ATP7A: variants seen among roughly 807,000 people sequenced by gnomAD.
The protein encoded by ATP7A is ATPase copper transporting alpha.
In ATP7A, 7 loss-of-function variants were observed where a neutral mutation model predicts 83.5. The observed-to-expected ratio is 0.08, with a 90% CI of 0.05 to 0.16. The LOEUF is 0.16. ATP7A is among the 10% of genes least tolerant of loss of function. The pLI, the probability that ATP7A is intolerant of heterozygous loss-of-function variation, is 1.00. For synonymous variants in ATP7A, 354 were observed against 395.2 expected (o/e 0.90, Z 1.24); for missense variants, 940 against 1,120.8 (o/e 0.84, Z 2.30).
At chrX:77,993,336 C>A (rs781866327) in intron 4 of ATP7A, among the ~76,000 whole-genome samples, 1 of 111,817 alleles carries the variant, frequency 8.9e-6, no homozygotes, top group African/African-American at 3.2e-5. Context: ...GGTTCACAGA[C>A]CAGCAGCACC....
intron 1 of ATP7A, among the ~76,000 whole-genome samples, chrX:77,961,615 C>A (rs1436969379): frequency 9.0e-6 from 1 of 111,598 alleles, no homozygotes; most frequent in Non-Finnish European, 1.9e-5. Context: ...CTTTTTTAGG[C>A]TCAGGACTAT....
At chrX:77,912,088 T>A (rs1442986492) in intron 1 of ATP7A, among the ~76,000 whole-genome samples, 1 of 112,579 alleles carries the variant, frequency 8.9e-6, no homozygotes. Flanking sequence ...AATGGTTATT[T>A]TTGAACTGGC....
chrX:77,920,291 C>T (rs1330069849), intron 1 of ATP7A, among the ~76,000 whole-genome samples: 1 of 107,755 alleles, frequency 9.3e-6, no homozygotes, highest in Non-Finnish European at 1.9e-5. Flanking sequence ...TCTCGGCTCA[C>T]TGCAAGCTCT....
intron 1 of ATP7A, among the ~76,000 whole-genome samples, chrX:77,932,828 A>T (rs2077296586): frequency 9.0e-6 from 1 of 111,544 alleles, no homozygotes; most frequent in African/African-American, 3.3e-5. Context: ...TCAGGCAGGG[A>T]GGTTGCAGTG....
chrX:78,002,113 A>G (rs1359813409), intron 5 of ATP7A, among the ~76,000 whole-genome samples: 1 of 108,434 alleles, frequency 9.2e-6, no homozygotes, highest in Non-Finnish European at 1.9e-5. Context: ...TCTGTCACAC[A>G]TGGTGCATTG....
chrX:78,023,221 C>G (rs2077919904), intron 14 of ATP7A, among the ~76,000 whole-genome samples: 2 of 112,246 alleles, frequency 1.8e-5, no homozygotes, highest in South Asian at 7.3e-4. Context: ...CATGTCTTTG[C>G]TATTGTGAAG....
In ATP7A at chrX:78,029,208, A is replaced by G. The variant is rs782636599; in HGVS notation, c.2917-42A>G. 1.4e-5 allele frequency: 16 copies of G among 1,157,067 alleles called. No homozygotes were observed. In the South Asian group the frequency reaches 2.7e-4, roughly 19 times the overall value. The stretch of plus-strand genomic sequence containing the variant: ...AAGTTTTGTGTCTTTTGTTTTGTAC[A>G]GCTCTAAATCAATAACCAAAATTTA... On this transcript the variant is annotated intron_variant, in intron 14 of 22. Coordinates refer to ENST00000341514, the MANE Select transcript of ATP7A (RefSeq NM_000052.7).
At chrX:77,937,452 T>C (rs2077325978) in intron 1 of ATP7A, among the ~76,000 whole-genome samples, 1 of 112,303 alleles carries the variant, frequency 8.9e-6, no homozygotes, top group African/African-American at 3.2e-5. Context: ...ATCCTACTTC[T>C]AGATATCTCT....
chrX:77,956,788 T>TTTCTTTCTTTCC (rs1205697788), intron 1 of ATP7A, among the ~76,000 whole-genome samples: 1 of 66,814 alleles, frequency 1.5e-5, no homozygotes, highest in African/African-American at 5.6e-5. Flanking sequence ...TCTTTCTTTC[T>TTTCTTTCTTTCC]CTTTCTTTCT....
At chrX:77,930,985 C>CTTTTTTTTTTTTTTTTTTTTTCCTTTT (rs1180844779) in intron 1 of ATP7A, among the ~76,000 whole-genome samples, 1 of 34,963 alleles carries the variant, frequency 2.9e-5, no homozygotes, top group Non-Finnish European at 5.4e-5. Flanking sequence ...TAGGAACATT[C>CTTTTTTTTTTTTTTTTTTTTTCCTTTT]TTTTTTTTTT....
At chrX:77,992,426 C>T (rs1423527829) in intron 4 of ATP7A, among the ~76,000 whole-genome samples, 1 of 110,559 alleles carries the variant, frequency 9.0e-6, no homozygotes, top group Non-Finnish European at 1.9e-5. Context: ...ATACAGAACA[C>T]TAAAATGTTA....
chrX:78,028,027 AT>A (rs1557236540), intron 14 of ATP7A, among the ~76,000 whole-genome samples: 1 of 105,930 alleles, frequency 9.4e-6, no homozygotes, highest in African/African-American at 3.4e-5. Flanking sequence ...TTATTTATTT[AT>A]TTATTTATTT....
chrX:77,917,270 A>G (rs1421669860), intron 1 of ATP7A, among the ~76,000 whole-genome samples: 1 of 112,082 alleles, frequency 8.9e-6, no homozygotes, highest in African/African-American at 3.2e-5. Context: ...TGATAGATGC[A>G]GACCATCTTT....
At chrX:77,975,835 T>C (rs1463893794) in intron 2 of ATP7A, 1 of 111,878 alleles carries the variant, frequency 8.9e-6, no homozygotes, top group Non-Finnish European at 1.9e-5. Flanking sequence ...TGCCAGGCCT[T>C]AATGAGTCAG....
chrX:77,938,721 A>T (rs1305228170), intron 1 of ATP7A, among the ~76,000 whole-genome samples: 1 of 112,300 alleles, frequency 8.9e-6, no homozygotes, highest in Non-Finnish European at 1.9e-5. Context: ...ATTGTAGAAA[A>T]CTTCACAATG....
At chrX:78,012,574 T>C (rs2077834669) in intron 9 of ATP7A, among the ~76,000 whole-genome samples, 1 of 88,831 alleles carries the variant, frequency 1.1e-5, no homozygotes, top group Non-Finnish European at 2.1e-5. Flanking sequence ...CTGGGCAACA[T>C]ATCAAGACTG....
At chrX:77,954,433 T>A (rs1405994825) in intron 1 of ATP7A, among the ~76,000 whole-genome samples, 1 of 112,292 alleles carries the variant, frequency 8.9e-6, no homozygotes, top group African/African-American at 3.2e-5. Flanking sequence ...TGAGCAACTG[T>A]GCCTGGCAAA....
At chrX:77,988,182 A>C in intron 2 of ATP7A, 60 bp from the exon 3 acceptor site, 3 of 1,116,177 alleles carry the variant, frequency 2.7e-6, no homozygotes, top group Non-Finnish European at 3.6e-6. Flanking sequence ...GATGATTATT[A>C]TTTTAAATCC....
At position 78,012,799 on chromosome X, in the gene ATP7A, T is replaced by C. The variant is rs2077836245; in HGVS notation, c.2173-80T>C. 3.4e-6 allele frequency: 3 copies of C among 885,070 alleles called. No individual in the cohort carries two copies. In the South Asian group the frequency reaches 6.0e-5, roughly 18 times the overall value. The allele number at this position is 885,070 out of a possible 1,213,427, so 72.9% of individuals were successfully genotyped here. Reference sequence around the variant, plus strand: ...AGCTAAAAGCCAAAGAAAGTGACTATTGATACTTTAAGTTATTGAGATATA... The same window carrying C: ...AGCTAAAAGCCAAAGAAAGTGACTACTGATACTTTAAGTTATTGAGATATA... On this transcript the variant is annotated intron_variant, in intron 9 of 22. Transcript: ENST00000341514.
Sources: gnomAD v4.1 joint callset for allele counts (sites outside exome capture counted in the v4.1 genomes callset) on GRCh38, gnomAD v4.1.1 for gene constraint, MANE v1.5 for transcripts, NCBI Gene and HGNC (gene_info 2026-07-23, HGNC 2026-07-21) for gene names.